The following EMC7 variants were observed in gnomAD, a reference collection of about 807,000 sequenced individuals.
The protein encoded by EMC7 is ER membrane protein complex subunit 7, also known as endoplasmic reticulum membrane protein complex subunit 7.
A neutral mutation model predicts 24.4 loss-of-function variants in EMC7; 4 were observed. The observed-to-expected ratio is 0.16, with a 90% CI of 0.08 to 0.38. The LOEUF is 0.38. Ranked by LOEUF, EMC7 falls within the 10% of genes least tolerant of loss-of-function variation. The pLI is 1.00. For synonymous variants in EMC7, 106 were observed against 112.0 expected (o/e 0.95, Z 0.34); for missense variants, 221 against 300.6 (o/e 0.74, Z 1.96).
chr15:34,088,628 T>G (rs1032659802), intron 3 of EMC7, among the ~76,000 whole-genome samples: 1 of 152,146 alleles, frequency 6.6e-6, no homozygotes, highest in Non-Finnish European at 1.5e-5. Context: ...GAGCACTAGA[T>G]ACACTTCCAC....
intron 1 of EMC7, among the ~76,000 whole-genome samples, chr15:34,099,487 T>C (rs145990075): frequency 4.9e-4 from 74 of 152,302 alleles, no homozygotes; most frequent in African/African-American, 1.7e-3. Flanking sequence ...CCACCTCCAA[T>C]AAGCACAAAT....
At chr15:34,087,231 C>T (rs1213244886) in intron 4 of EMC7, among the ~76,000 whole-genome samples, 1 of 152,132 alleles carries the variant, frequency 6.6e-6, no homozygotes, top group South Asian at 2.1e-4. Flanking sequence ...AATGTCACCA[C>T]ATCTATATAC....
At chr15:34,100,868 T>C (rs1015733180) in intron 1 of EMC7, 1 of 151,686 alleles carries the variant, frequency 6.6e-6, no homozygotes, top group African/African-American at 2.4e-5. Context: ...GCAAAACTAG[T>C]GCTAACAAAT....
intron 2 of EMC7, among the ~76,000 whole-genome samples, chr15:34,090,829 A>T (rs1380385568): frequency 6.6e-6 from 1 of 152,220 alleles, no homozygotes; most frequent in Admixed American, 6.5e-5. Context: ...ACCATACAAA[A>T]ATACTGGATT....
chr15:34,098,197 A>T (rs1313082709), intron 1 of EMC7, among the ~76,000 whole-genome samples: 1 of 152,010 alleles, frequency 6.6e-6, no homozygotes, highest in African/African-American at 2.4e-5. Context: ...TGGCTGTGTT[A>T]AGGGACTGGT....
intron 1 of EMC7, among the ~76,000 whole-genome samples, chr15:34,097,937 C>T (rs1006269436): frequency 1.3e-5 from 2 of 150,208 alleles, no homozygotes. Flanking sequence ...CCATTGCACT[C>T]CAGCCTGGGT....
intron 1 of EMC7, among the ~76,000 whole-genome samples, chr15:34,097,036 C>CTTTTTTTT (rs1320707154): frequency 1.3e-3 from 16 of 12,652 alleles, no homozygotes; most frequent in African/African-American, 3.5e-3. Flanking sequence ...TTCTGTTCTT[C>CTTTTTTTT]TTCTTTTTTT....
At chr15:34,097,794 C>A (rs1326593430) in intron 1 of EMC7, among the ~76,000 whole-genome samples, 1 of 151,956 alleles carries the variant, frequency 6.6e-6, no homozygotes, top group African/African-American at 2.4e-5. Context: ...TACGGTGAAA[C>A]CCTGTCTCTA....
intron 4 of EMC7, chr15:34,086,274 T>C: frequency 3.3e-6 from 1 of 298,902 alleles, no homozygotes; most frequent in Non-Finnish European, 6.5e-6. Context: ...AGTTGTCTTT[T>C]TGATGATCTT....
intron 1 of EMC7, 78 bp from the exon 2 acceptor site, chr15:34,096,092 C>CT: frequency 7.2e-7 from 1 of 1,393,314 alleles, no homozygotes; most frequent in Admixed American, 2.4e-5. Flanking sequence ...CCCAAATCAA[C>CT]TCTCCCGAAA....
intron 1 of EMC7, chr15:34,100,498 G>A (rs1298226062): frequency 6.6e-6 from 1 of 152,190 alleles, no homozygotes; most frequent in Non-Finnish European, 1.5e-5. Flanking sequence ...AAAGCTTAAT[G>A]AGAACTTTAT....
At chr15:34,093,189 C>T (rs1901005693) in intron 2 of EMC7, among the ~76,000 whole-genome samples, 1 of 152,114 alleles carries the variant, frequency 6.6e-6, no homozygotes, top group Non-Finnish European at 1.5e-5. Flanking sequence ...CCTGTAATCC[C>T]AGTACTTTGG....
At position 34,087,954 on chromosome 15, in the gene EMC7, G is replaced by A. The variant is rs1900914166; in HGVS notation, c.576+99C>T. 6.9e-6 allele frequency: 7 copies of A among 1,015,454 alleles called. No homozygotes were observed. The East Asian group carries it at 1.8e-4, about 26-fold the overall frequency. 62.9% of individuals were successfully genotyped at this position (1,015,454 alleles called of 1,614,324 possible). ...GTGGATAGCTTGAGCCCAGGAGTTTGAGGCCACTCAAACTGATTGTGCCAC... is the reference window on the plus strand; with the variant it reads ...GTGGATAGCTTGAGCCCAGGAGTTTAAGGCCACTCAAACTGATTGTGCCAC... On this transcript the variant is annotated intron_variant, in intron 4 of 4. Coordinates refer to ENST00000256545, the MANE Select transcript of EMC7 (RefSeq NM_020154.3).
chr15:34,101,311 G>GGGCCCAGGAATGATCGTCCCCAC (rs1436018361), intron 1 of EMC7, among the ~76,000 whole-genome samples: 2 of 152,126 alleles, frequency 1.3e-5, no homozygotes, highest in Admixed American at 6.5e-5. Flanking sequence ...CCTGTCCCCA[G>GGGCCCAGGAATGATCGTCCCCAC]GGCCCAGGAA....
intron 1 of EMC7, chr15:34,100,993 T>C (rs1041751844): frequency 1.3e-5 from 2 of 148,828 alleles, no homozygotes; most frequent in African/African-American, 5.0e-5. Context: ...AAGTGTGATA[T>C]AGCAAATCTC....
At chr15:34,088,161 T>A (rs1433208012) in intron 3 of EMC7, 28 bp from the exon 4 acceptor site, 4 of 1,578,464 alleles carry the variant, frequency 2.5e-6, no homozygotes, top group Admixed American at 1.9e-5. Context: ...CCAGAAAATG[T>A]TTTTCCCCCA....
chr15:34,091,109 T>G (rs947146976), intron 2 of EMC7, among the ~76,000 whole-genome samples: 3 of 152,226 alleles, frequency 2.0e-5, no homozygotes, highest in African/African-American at 7.2e-5. Flanking sequence ...TCATCAGACT[T>G]CTGCTCAGTT....
chr15:34,095,415 T>C (rs1224098579), intron 2 of EMC7, among the ~76,000 whole-genome samples: 1 of 152,190 alleles, frequency 6.6e-6, no homozygotes, highest in Non-Finnish European at 1.5e-5. Flanking sequence ...CCTCAATTGT[T>C]TTCCCTAGAA....
chr15:34,097,110 T>G (rs1010974949), intron 1 of EMC7, among the ~76,000 whole-genome samples: 1 of 139,340 alleles, frequency 7.2e-6, no homozygotes, highest in East Asian at 2.3e-4. Context: ...CTCGGCTCAC[T>G]GCAAGCTCCG....
Sources: gnomAD v4.1 joint callset for allele counts (sites outside exome capture counted in the v4.1 genomes callset) on GRCh38, gnomAD v4.1.1 for gene constraint, MANE v1.5 for transcripts, NCBI Gene and HGNC (gene_info 2026-07-23, HGNC 2026-07-21) for gene names.